Variants in FAS observed in about 807,000 individuals in gnomAD.
FAS encodes Fas cell surface death receptor, also known as tumor necrosis factor receptor superfamily member 6.
Under a neutral mutation model 33.2 loss-of-function variants are expected in FAS, and 5 were observed. That is an observed-to-expected ratio of 0.15 (90% confidence interval 0.08 to 0.32). The LOEUF is 0.32. Ranked by LOEUF, FAS falls within the 10% of genes least tolerant of loss-of-function variation. The pLI is 1.00. For missense variants in FAS, 339 were observed against 386.0 expected (o/e 0.88, Z 1.02); for synonymous variants, 131 against 130.7 (o/e 1.00, Z -0.01).
At chr10:89,004,823 A>G (rs1220578740) in intron 2 of FAS, among the ~76,000 whole-genome samples, 2 of 152,186 alleles carry the variant, frequency 1.3e-5, no homozygotes, top group African/African-American at 4.8e-5. Context: ...ATGGCATCCA[A>G]CCATGTTAAA....
intron 2 of FAS, among the ~76,000 whole-genome samples, chr10:88,979,154 C>A (rs1846646696): frequency 6.6e-6 from 1 of 151,884 alleles, no homozygotes; most frequent in Non-Finnish European, 1.5e-5. Context: ...ATTATAGATT[C>A]TTTAGCTTCT....
chr10:88,977,185 A>G (rs550620293), intron 2 of FAS, among the ~76,000 whole-genome samples: 1 of 151,882 alleles, frequency 6.6e-6, no homozygotes, highest in South Asian at 2.1e-4. Flanking sequence ...CCATTTGTCA[A>G]TTTTGGCTTT....
upstream of FAS, among the ~76,000 whole-genome samples, chr10:88,982,710 G>C (rs7085705): frequency 0.28 from 42,618 of 151,942 alleles, 6,382 homozygotes; most frequent in Non-Finnish European, 0.32. Context: ...AGTCAAGTAA[G>C]ACTTGTTTCT....
At chr10:89,004,240 C>A (rs1700807574) in intron 2 of FAS, among the ~76,000 whole-genome samples, 1 of 151,974 alleles carries the variant, frequency 6.6e-6, no homozygotes, top group Non-Finnish European at 1.5e-5. Context: ...GGATTTTTGT[C>A]TATTGCTTTT....
chr10:89,008,923 G>A lies in FAS; in HGVS notation c.369G>A (p.Gln123=), dbSNP rs28362318. The change falls in exon 4 of 9, where the codon CAG becomes CAA. Residue 123 remains glutamine (Q), a synonymous_variant. Coordinates refer to ENST00000652046, the MANE Select transcript of FAS (RefSeq NM_000043.6). ...LEVEINCTRT[Q]NTKCRCKPNF... ...TGGAAATAAACTGCACCCGGACCCA[G>A]AATACCAAGTGCAGATGTAAACCAA... 11,888 of 1,613,954 alleles carry A rather than the reference G, an allele frequency of 7.4e-3. 76 individuals are homozygous for A. Among genetic ancestry groups the A allele is most frequent in the Non-Finnish European group, 8.3e-3 (9,847 of 1,179,832 alleles).
intron 1 of FAS, among the ~76,000 whole-genome samples, chr10:88,968,485 C>A (rs567155576): frequency 3.9e-5 from 6 of 152,126 alleles, no homozygotes; most frequent in African/African-American, 1.2e-4. Context: ...GTTGGTAACA[C>A]GGGCACTCTG....
At chr10:88,991,350 C>T in intron 1 of FAS, 1 of 309,772 alleles carries the variant, frequency 3.2e-6, no homozygotes, top group Non-Finnish European at 6.2e-6. Flanking sequence ...CGCTCCGGCG[C>T]GGGTGGGTGA....
At chr10:89,007,633 C>T in intron 2 of FAS, 67 bp from the exon 3 acceptor site, 1 of 1,590,380 alleles carries the variant, frequency 6.3e-7, no homozygotes, top group Non-Finnish European at 8.6e-7. Flanking sequence ...TGTCATCCCT[C>T]TATAGTTCCC....
At chr10:88,997,865 C>G (rs1233212425) in intron 1 of FAS, among the ~76,000 whole-genome samples, 1 of 152,138 alleles carries the variant, frequency 6.6e-6, no homozygotes, top group Non-Finnish European at 1.5e-5. Flanking sequence ...TTCAACCCAG[C>G]CTAGCAGGAC....
At chr10:89,000,326 A>C (rs981110130) in intron 1 of FAS, among the ~76,000 whole-genome samples, 2 of 152,210 alleles carry the variant, frequency 1.3e-5, no homozygotes, top group Non-Finnish European at 2.9e-5. Flanking sequence ...TTATAGATTT[A>C]CTACCATTAT....
chr10:89,003,347 A>G (rs541385186), intron 2 of FAS, among the ~76,000 whole-genome samples, 153 bp downstream of exon 2: 1 of 152,340 alleles, frequency 6.6e-6, no homozygotes, highest in East Asian at 1.9e-4. Context: ...TTTTCCAAAG[A>G]TGAGTTTTAT....
upstream of FAS, among the ~76,000 whole-genome samples, chr10:88,984,662 C>T (rs537518309): frequency 6.6e-6 from 1 of 151,784 alleles, no homozygotes; most frequent in East Asian, 1.9e-4. Flanking sequence ...TGAGCCAGGC[C>T]TCTCTTGACT....
upstream of FAS, among the ~76,000 whole-genome samples, chr10:88,983,703 C>G (rs924749628): frequency 7.0e-6 from 1 of 142,274 alleles, no homozygotes; most frequent in Non-Finnish European, 1.5e-5. Flanking sequence ...TTACTGATAT[C>G]TTATTTTTGT....
rs756682092 is a variant in FAS at position 89,014,545 on chromosome 10, G to A, written c.*95G>A. ...GTAAATACTGCTTGGTTTTTTACTG[G>A]GTACATTTTATCATTTATTAGCGCT... On this transcript the variant is annotated 3_prime_UTR_variant, in exon 9 of 9. Transcript: ENST00000652046. The A allele has an allele frequency of 8.6e-7, 1 of 1,168,100 alleles. No homozygotes were observed. The highest frequency in any genetic ancestry group is 1.2e-6 in the Non-Finnish European group (1 of 808,546). The allele number at this position is 1,168,100 out of a possible 1,614,324, so 72.4% of individuals were successfully genotyped here.
At position 89,007,841 on chromosome 10, in the gene FAS, A is replaced by G; in HGVS notation, c.334+4A>G. The G allele has an allele frequency of 6.2e-7, 1 of 1,613,888 alleles. No homozygotes were observed. Among genetic ancestry groups the G allele is most frequent in the Non-Finnish European group, 8.5e-7 (1 of 1,179,836 alleles). On this transcript the variant is annotated splice_donor_region_variant and intron_variant, in intron 3 of 8. Coordinates refer to ENST00000652046, the MANE Select transcript of FAS (RefSeq NM_000043.6). ...AGATTGTGTGATGAAGGACATGGTA[A>G]GAGTCTTAAAATGCAATTGAAAGAG...
At chr10:89,013,232 C>A in intron 7 of FAS, 111 bp from the exon 8 acceptor site, 1 of 992,110 alleles carries the variant, frequency 1.0e-6, no homozygotes, top group Non-Finnish European at 1.5e-6. Flanking sequence ...ATACATCAAG[C>A]AACTGATTGT....
chr10:89,010,831 G>A lies in FAS; in HGVS notation c.568+16G>A. On this transcript the variant is annotated intron_variant, in intron 6 of 8. Coordinates refer to ENST00000652046, the MANE Select transcript of FAS (RefSeq NM_000043.6). Reference sequence around the variant, plus strand: ...ATTGTTTGGGGTAAGTTCTTGCTTTGTTCAAACTGCAGATTGAAATAACTT... The same window carrying A: ...ATTGTTTGGGGTAAGTTCTTGCTTTATTCAAACTGCAGATTGAAATAACTT... 6.2e-7 allele frequency: 1 copy of A among 1,613,686 alleles called. No individual in the cohort carries two copies. Among genetic ancestry groups the A allele is most frequent in the Non-Finnish European group, 8.5e-7 (1 of 1,179,810 alleles).
At chr10:88,982,283 T>C (rs574511143), upstream of FAS, among the ~76,000 whole-genome samples, 1 of 152,320 alleles carries the variant, frequency 6.6e-6, no homozygotes, top group East Asian at 1.9e-4. Flanking sequence ...AAATGGTACC[T>C]GGCTCATACT....
At chr10:88,989,461 T>G (rs1847036102), upstream of FAS, 2 of 541,650 alleles carry the variant, frequency 3.7e-6, no homozygotes, top group Non-Finnish European at 7.3e-6. Flanking sequence ...TCTTTTTGTG[T>G]CTATTAGATG....
Sources: allele counts gnomAD v4.1 joint callset (sites outside exome capture counted in the v4.1 genomes callset), GRCh38; gene constraint gnomAD v4.1.1; transcripts MANE v1.5; gene names NCBI Gene and HGNC (gene_info 2026-07-23, HGNC 2026-07-21).